The following SVBP variants were observed in gnomAD, a reference collection of about 807,000 sequenced individuals.
SVBP encodes small vasohibin binding protein.
Under a neutral mutation model 9.2 loss-of-function variants are expected in SVBP, and 9 were observed. The observed-to-expected ratio is 0.98, with a 90% CI of 0.59 to 1.71. The LOEUF (loss-of-function observed/expected upper bound fraction) is 1.71. Among genes scored for constraint, SVBP ranks in the 40% most tolerant of loss-of-function variants. SVBP has a pLI of 0.00. For synonymous variants in SVBP, 27 were observed against 23.9 expected (o/e 1.13, Z -0.37); for missense variants, 63 against 73.2 (o/e 0.86, Z 0.51).
chr1:42,808,145 G>GTATA (rs1386047684), intron 2 of SVBP, among the ~76,000 whole-genome samples: 11 of 50,810 alleles, frequency 2.2e-4, no homozygotes, highest in South Asian at 1.6e-3. Context: ...GTGTGTGTGT[G>GTATA]TGTGTATATA....
Position 42,815,134 on chromosome 1 carries a change from C to T in SVBP, c.114+1297G>A, listed in dbSNP as rs1156999273. Reference sequence around the variant, plus strand: ...ATCGTAAGAACAAAAAACCAAACACCGCATGTTCTCACTCATAGGTGGGAA... The same window carrying T: ...ATCGTAAGAACAAAAAACCAAACACTGCATGTTCTCACTCATAGGTGGGAA... On this transcript the variant is annotated intron_variant, in intron 2 of 2. Coordinates refer to ENST00000372521, the MANE Select transcript of SVBP (RefSeq NM_199342.4). Among the ~76,000 whole-genome samples the T allele has an allele frequency of 8.8e-5, 13 of 148,260 alleles. No individual in the cohort carries two copies. The East Asian group carries it at 1.2e-3, about 14-fold the overall frequency.
chr1:42,808,864 G>C lies in SVBP; in HGVS notation c.115-1364C>G, dbSNP rs183549758. 4.4e-3 allele frequency among the ~76,000 whole-genome samples: 666 copies of C among 152,036 alleles called. 5 individuals are homozygous for C. The highest frequency in any genetic ancestry group is 8.7e-3 in the Admixed American group (133 of 15,262). ...GGTGCCCGCCACCAAACCCGGCTAA[G>C]TTTTGTATTTTTAGTAGAGACAAGG... On this transcript the variant is annotated intron_variant, in intron 2 of 2. Transcript: ENST00000372521.
intron 2 of SVBP, among the ~76,000 whole-genome samples, chr1:42,808,501 T>C (rs1050739519): frequency 6.8e-6 from 1 of 146,776 alleles, no homozygotes; most frequent in Admixed American, 6.9e-5. Flanking sequence ...GTATATGGTA[T>C]ACTTGCAACC....
intron 2 of SVBP, among the ~76,000 whole-genome samples, chr1:42,815,274 G>A (rs534560847): frequency 6.6e-6 from 1 of 150,738 alleles, no homozygotes; most frequent in African/African-American, 2.4e-5. Context: ...TGTAAATGAC[G>A]AGTTAATGGG....
chr1:42,816,725 G>T (rs1378660598), intron 1 of SVBP, 145 bp from the exon 2 acceptor site: 16 of 551,390 alleles, frequency 2.9e-5, no homozygotes, highest in Non-Finnish European at 4.8e-5. Flanking sequence ...GGATGTGGGG[G>T]AGTAGGAACC....
At chr1:42,816,836 G>T in intron 1 of SVBP, 1 of 323,732 alleles carries the variant, frequency 3.1e-6, no homozygotes, top group Non-Finnish European at 5.8e-6. Flanking sequence ...TGTTTTCCTG[G>T]CCTCCCTCCA....
chr1:42,809,169 A>G (rs779022843), intron 2 of SVBP: 5 of 152,216 alleles, frequency 3.3e-5, no homozygotes, highest in Admixed American at 2.0e-4. Context: ...ATCTTTCTTT[A>G]TTCTTAATTA....
At chr1:42,808,467 A>AT (rs1469347938) in intron 2 of SVBP, among the ~76,000 whole-genome samples, 1 of 145,898 alleles carries the variant, frequency 6.9e-6, no homozygotes, top group Non-Finnish European at 1.5e-5. Context: ...TATATATACT[A>AT]ATAGTGTATA....
intron 2 of SVBP, chr1:42,813,707 G>A: frequency 3.8e-6 from 2 of 532,992 alleles, no homozygotes; most frequent in Non-Finnish European, 7.7e-6. Flanking sequence ...TGTTCCTCCA[G>A]TGAGAGCTCC....
chr1:42,817,333 G>A lies in SVBP; in HGVS notation c.-180C>T. ...TCGTCCTGGGCGGGGCCGCGCGCCGGGGGGAGGGGCGCAGGGCCGAGCGCC... is the reference window on the plus strand; with the variant it reads ...TCGTCCTGGGCGGGGCCGCGCGCCGAGGGGAGGGGCGCAGGGCCGAGCGCC... On this transcript the variant is annotated 5_prime_UTR_variant, in exon 1 of 3. Coordinates refer to ENST00000372521, the MANE Select transcript of SVBP (RefSeq NM_199342.4). 5.8e-6 allele frequency: 6 copies of A among 1,035,746 alleles called. No homozygotes were observed. Among genetic ancestry groups the A allele is most frequent in the Non-Finnish European group, 7.5e-6 (6 of 803,770 alleles). 64.2% of individuals were successfully genotyped at this position (1,035,746 alleles called of 1,614,324 possible).
chr1:42,812,090 C>T (rs1052267603), intron 2 of SVBP, among the ~76,000 whole-genome samples: 3 of 151,352 alleles, frequency 2.0e-5, no homozygotes, highest in Admixed American at 6.6e-5. Context: ...CTCATTCAAC[C>T]GAGCAGTTTA....
chr1:42,816,489 A>C lies in SVBP; in HGVS notation c.56T>G (p.Val19Gly). ...KTKVKESVSR[V>G]EKAKQKSAQQ... ...GGCTGATTTCTGTTTGGCCTTCTCA[A>C]CTCTGCTGACAGATTCTTTAACTTT... Residue 19 changes from valine to glycine, a missense_variant, in exon 2 of 3, where the codon GTT (valine) becomes GGT (glycine). By Grantham distance (109) the Val-to-Gly change is moderately radical. Coordinates refer to ENST00000372521, the MANE Select transcript of SVBP (RefSeq NM_199342.4). 7 of 1,613,414 alleles carry C rather than the reference A, an allele frequency of 4.3e-6. No homozygotes were observed. The highest frequency in any genetic ancestry group is 5.9e-6 in the Non-Finnish European group (7 of 1,179,828).
In SVBP at chr1:42,817,288, C is replaced by A; in HGVS notation, c.-135G>T. ...GCCTTCCCCCGACCACTGGACCCAGCGCTGCCTGCCCACCGCCCCTCGTCC... is the reference window on the plus strand; with the variant it reads ...GCCTTCCCCCGACCACTGGACCCAGAGCTGCCTGCCCACCGCCCCTCGTCC... On this transcript the variant is annotated 5_prime_UTR_variant, in exon 1 of 3. Transcript: ENST00000372521. 2 of 1,211,286 alleles carry A rather than the reference C, an allele frequency of 1.7e-6. No homozygotes were observed. Among genetic ancestry groups the A allele is most frequent in the South Asian group, 1.3e-5 (1 of 74,350 alleles). 75.0% of individuals were successfully genotyped at this position (1,211,286 alleles called of 1,614,324 possible).
chr1:42,815,968 G>A (rs1425536825), intron 2 of SVBP, among the ~76,000 whole-genome samples: 1 of 152,174 alleles, frequency 6.6e-6, no homozygotes, highest in Admixed American at 6.5e-5. Context: ...TATTGGCAGG[G>A]TAAAGTTTAA....
intron 2 of SVBP, 111 bp downstream of exon 2, chr1:42,816,320 C>A: frequency 1.3e-6 from 1 of 784,120 alleles, no homozygotes. Flanking sequence ...GAACACCCAT[C>A]CTGCCTGGAG....
At chr1:42,816,316 C>T (rs1654205883) in intron 2 of SVBP, 115 bp downstream of exon 2, 1 of 752,016 alleles carries the variant, frequency 1.3e-6, no homozygotes, top group African/African-American at 1.8e-5. Context: ...GGGAGAACAC[C>T]CATCCTGCCT....
chr1:42,807,273 T>C lies in SVBP; in HGVS notation c.*141A>G. The C allele has an allele frequency of 1.9e-6, 1 of 523,872 alleles. No individual in the cohort carries two copies. Among genetic ancestry groups the C allele is most frequent in the South Asian group, 3.2e-5 (1 of 31,248 alleles). 32.5% of individuals were successfully genotyped at this position (523,872 alleles called of 1,614,324 possible). ...GGGAGGAACCAGTGAAGTTAGAAGT[T>C]ACACACAGGAAGTGAGTTCAGATTT... On this transcript the variant is annotated 3_prime_UTR_variant, in exon 3 of 3. Transcript: ENST00000372521.
At chr1:42,816,745 G>T (rs1654221893) in intron 1 of SVBP, 165 bp from the exon 2 acceptor site, 1 of 530,416 alleles carries the variant, frequency 1.9e-6, no homozygotes, top group South Asian at 2.4e-5. Flanking sequence ...CGAGTCCCAA[G>T]GCCACAACCT....
At chr1:42,810,323 A>AT (rs1428163874) in intron 2 of SVBP, among the ~76,000 whole-genome samples, 5 of 151,860 alleles carry the variant, frequency 3.3e-5, no homozygotes, top group Admixed American at 6.6e-5. Flanking sequence ...AATTTTTTGT[A>AT]TTTTAGTAGA....
Sources: gnomAD v4.1 joint callset for allele counts (sites outside exome capture counted in the v4.1 genomes callset) on GRCh38, gnomAD v4.1.1 for gene constraint, MANE v1.5 for transcripts, NCBI Gene and HGNC (gene_info 2026-07-23, HGNC 2026-07-21) for gene names.